Variants in ZDHHC14 observed in about 807,000 individuals in gnomAD.
ZDHHC14 encodes palmitoyltransferase ZDHHC14.
ZDHHC14 carries 16 observed loss-of-function variants against 47.7 expected under a neutral mutation model. The observed-to-expected ratio is 0.34, with a 90% CI of 0.23 to 0.51. The LOEUF (loss-of-function observed/expected upper bound fraction) is 0.51. ZDHHC14 is among the 20% of genes least tolerant of loss of function. The probability of loss-of-function intolerance (pLI) is 0.97; values close to 1 mark genes in which losing one functional copy is unlikely to be tolerated. For missense variants in ZDHHC14, 515 were observed against 662.5 expected (o/e 0.78, Z 2.44); for synonymous variants, 293 against 278.9 (o/e 1.05, Z -0.50).
chr6:157,553,446 G>A (rs1323341109), intron 2 of ZDHHC14, among the ~76,000 whole-genome samples: 1 of 152,112 alleles, frequency 6.6e-6, no homozygotes, highest in African/African-American at 2.4e-5. Flanking sequence ...TCATCCACAT[G>A]TTCACACACT....
At chr6:157,413,433 C>T (rs2114760465) in intron 1 of ZDHHC14, among the ~76,000 whole-genome samples, 1 of 152,322 alleles carries the variant, frequency 6.6e-6, no homozygotes, top group Non-Finnish European at 1.5e-5. Flanking sequence ...TTCACCAACA[C>T]TCACTGGTAA....
At chr6:157,650,409 G>C (rs1163631129) in intron 7 of ZDHHC14, among the ~76,000 whole-genome samples, 1 of 152,046 alleles carries the variant, frequency 6.6e-6, no homozygotes, top group Non-Finnish European at 1.5e-5. Context: ...ACAAGACAAG[G>C]GGCGAGTCCA....
At chr6:157,407,294 G>T (rs1777783570) in intron 1 of ZDHHC14, among the ~76,000 whole-genome samples, 1 of 152,142 alleles carries the variant, frequency 6.6e-6, no homozygotes, top group South Asian at 2.1e-4. Flanking sequence ...GGGAGTGAGT[G>T]GGACCCTGCC....
chr6:157,418,270 C>T (rs568901629), intron 1 of ZDHHC14, among the ~76,000 whole-genome samples: 10 of 152,254 alleles, frequency 6.6e-5, no homozygotes, highest in East Asian at 1.9e-4. Flanking sequence ...CTTGGTAAAA[C>T]GATGAAGTCA....
intron 1 of ZDHHC14, among the ~76,000 whole-genome samples, chr6:157,416,593 A>G (rs576743850): frequency 1.9e-4 from 28 of 149,114 alleles, no homozygotes; most frequent in African/African-American, 6.4e-4. Context: ...GCTTGAGCCC[A>G]GAAGATACAG....
chr6:157,464,281 A>G (rs182924440), intron 1 of ZDHHC14, among the ~76,000 whole-genome samples: 2 of 152,242 alleles, frequency 1.3e-5, no homozygotes, highest in African/African-American at 4.8e-5. Flanking sequence ...ATTTTAATAC[A>G]CATACTTTGA....
intron 8 of ZDHHC14, among the ~76,000 whole-genome samples, chr6:157,669,891 C>T (rs762848705): frequency 2.0e-5 from 3 of 152,244 alleles, no homozygotes; most frequent in Non-Finnish European, 2.9e-5. Context: ...TGCGGCTCAG[C>T]TGCCTCTGTC....
At chr6:157,386,280 G>T (rs998072240) in intron 1 of ZDHHC14, among the ~76,000 whole-genome samples, 5 of 152,158 alleles carry the variant, frequency 3.3e-5, no homozygotes, top group Non-Finnish European at 7.4e-5. Flanking sequence ...GCCGAGGCAG[G>T]AGGATCACTT....
At chr6:157,403,064 C>T (rs1194388623) in intron 1 of ZDHHC14, among the ~76,000 whole-genome samples, 1 of 141,718 alleles carries the variant, frequency 7.1e-6, no homozygotes. Flanking sequence ...GCCTTCTGAA[C>T]TGGACTTGTT....
chr6:157,581,864 T>TCTTG (rs1263745016), intron 2 of ZDHHC14, among the ~76,000 whole-genome samples: 1 of 151,932 alleles, frequency 6.6e-6, no homozygotes, highest in Non-Finnish European at 1.5e-5. Flanking sequence ...GGTCATTGGG[T>TCTTG]CTTGCTTCTT....
intron 8 of ZDHHC14, among the ~76,000 whole-genome samples, chr6:157,658,338 T>C (rs181694109): frequency 6.6e-6 from 1 of 152,276 alleles, no homozygotes; most frequent in Admixed American, 6.5e-5. Context: ...AAAGCCCCCT[T>C]TTAGCTGTGA....
chr6:157,542,438 A>T (rs889213767), intron 1 of ZDHHC14, 147 bp from the exon 2 acceptor site: 8 of 1,181,558 alleles, frequency 6.8e-6, no homozygotes, highest in Non-Finnish European at 9.3e-6. Context: ...TAAATCTTTC[A>T]CATAGATGAA....
At chr6:157,505,444 C>T (rs9457630) in intron 1 of ZDHHC14, among the ~76,000 whole-genome samples, 11,946 of 152,122 alleles carry the variant, frequency 0.079, 1,112 homozygotes, top group African/African-American at 0.2. Flanking sequence ...AAATAATGTT[C>T]GAAGGGGATT....
At chr6:157,512,564 CA>C (rs1174865032) in intron 1 of ZDHHC14, among the ~76,000 whole-genome samples, 1 of 152,248 alleles carries the variant, frequency 6.6e-6, no homozygotes, top group East Asian at 1.9e-4. Context: ...TGGGCGAGGC[CA>C]GGTGCAGTGG....
intron 1 of ZDHHC14, among the ~76,000 whole-genome samples, chr6:157,444,086 G>A (rs1778612999): frequency 6.6e-6 from 1 of 152,172 alleles, no homozygotes; most frequent in Non-Finnish European, 1.5e-5. Context: ...ATGAGCAGGA[G>A]GTTAAGGAAC....
chr6:157,575,936 C>T (rs1046780560), intron 2 of ZDHHC14, among the ~76,000 whole-genome samples: 13 of 152,352 alleles, frequency 8.5e-5, no homozygotes, highest in African/African-American at 3.1e-4. Context: ...GCAGGACTCA[C>T]TACTCGGCTG....
chr6:157,643,650 A>AATAAATAT (rs1777365791), intron 5 of ZDHHC14, among the ~76,000 whole-genome samples: 1 of 72,522 alleles, frequency 1.4e-5, no homozygotes, highest in Non-Finnish European at 3.0e-5. Flanking sequence ...CTTCATCTCA[A>AATAAATAT]ATATATATAT....
At chr6:157,614,497 A>T (rs909189722) in intron 3 of ZDHHC14, among the ~76,000 whole-genome samples, 2 of 152,168 alleles carry the variant, frequency 1.3e-5, no homozygotes, top group Non-Finnish European at 2.9e-5. Context: ...AAGGCTCTCC[A>T]TAGAGAAGGG....
chr6:157,565,603 G>T (rs1370567665), intron 2 of ZDHHC14, among the ~76,000 whole-genome samples: 1 of 152,160 alleles, frequency 6.6e-6, no homozygotes, highest in Non-Finnish European at 1.5e-5. Context: ...CGGATCACCT[G>T]AGATGAGGAG....
Sources: allele counts gnomAD v4.1 joint callset (sites outside exome capture counted in the v4.1 genomes callset), GRCh38; gene constraint gnomAD v4.1.1; transcripts MANE v1.5; gene names NCBI Gene and HGNC (gene_info 2026-07-23, HGNC 2026-07-21).